VPS13A: variants seen among roughly 807,000 people sequenced by gnomAD.
VPS13A encodes intermembrane lipid transfer protein VPS13A.
In VPS13A, 264 loss-of-function variants were observed where a neutral mutation model predicts 390.9. The ratio of observed to expected loss-of-function variants is 0.68; its 90% CI spans 0.61 to 0.75. The LOEUF (loss-of-function observed/expected upper bound fraction) is 0.75. Among genes scored for constraint, VPS13A ranks in the 30% least tolerant of loss-of-function variants. The pLI is 0.00. For missense variants in VPS13A, 3,409 were observed against 3,733.9 expected (o/e 0.91, Z 2.27); for synonymous variants, 1,231 against 1,227.1 (o/e 1.00, Z -0.07).
At chr9:77,305,393 T>C (rs760818839) in intron 34 of VPS13A, among the ~76,000 whole-genome samples, 4 of 152,208 alleles carry the variant, frequency 2.6e-5, no homozygotes, top group Non-Finnish European at 5.9e-5. Context: ...TCTATTTATA[T>C]TGGTAAGATA....
chr9:77,276,332 CAG>C, intron 26 of VPS13A, 111 bp downstream of exon 26: 3 of 1,009,188 alleles, frequency 3.0e-6, no homozygotes, highest in Admixed American at 6.1e-5. Context: ...GAAATATTCT[CAG>C]AGAACCATTC....
chr9:77,363,553 A>C (rs1832271552), intron 59 of VPS13A, among the ~76,000 whole-genome samples: 1 of 152,046 alleles, frequency 6.6e-6, no homozygotes, highest in Non-Finnish European at 1.5e-5. Flanking sequence ...CTGGGATTAC[A>C]GGCGTGTGCC....
In VPS13A at chr9:77,228,169, T is replaced by C; in HGVS notation, c.1500T>C (p.Val500=). 6.2e-7 allele frequency: 1 copy of C among 1,604,508 alleles called. No homozygotes were observed. Among genetic ancestry groups the C allele is most frequent in the South Asian group, 1.1e-5 (1 of 89,722 alleles). The part of the protein sequence containing the change: ...FFVHLKSMSI[V]LRENHQKPEL... Reference sequence around the variant, plus strand: ...TCCACTTGAAAAGTATGTCTATTGTTCTAAGAGAAAATCATCAAAAACCTG... The same window carrying C: ...TCCACTTGAAAAGTATGTCTATTGTCCTAAGAGAAAATCATCAAAAACCTG... Residue 500 remains valine, a synonymous_variant, in exon 17 of 72, where the codon GTT becomes GTC. Coordinates refer to ENST00000360280, the MANE Select transcript of VPS13A (RefSeq NM_033305.3).
At chr9:77,350,632 AG>A (rs1831402388) in intron 52 of VPS13A, among the ~76,000 whole-genome samples, 1 of 152,114 alleles carries the variant, frequency 6.6e-6, no homozygotes, top group African/African-American at 2.4e-5. Context: ...GAACTGTGAG[AG>A]TAACATTTTT....
intron 45 of VPS13A, among the ~76,000 whole-genome samples, chr9:77,331,337 GTGTA>G (rs1830264799): frequency 6.6e-6 from 1 of 152,010 alleles, no homozygotes; most frequent in Non-Finnish European, 1.5e-5. Flanking sequence ...TCTACCAGTA[GTGTA>G]TGTGAGTTCC....
At chr9:77,276,254 T>G in intron 26 of VPS13A, 33 bp downstream of exon 26, 3 of 1,517,372 alleles carry the variant, frequency 2.0e-6, no homozygotes, top group Non-Finnish European at 2.7e-6. Context: ...ATAAATAAAT[T>G]AATTTCATTG....
intron 60 of VPS13A, 112 bp downstream of exon 60, chr9:77,365,685 CT>C (rs1292271468): frequency 4.5e-6 from 3 of 671,102 alleles, no homozygotes; most frequent in Non-Finnish European, 7.6e-6. Flanking sequence ...TACAATTAAA[CT>C]AAGTAACAAA....
intron 19 of VPS13A, among the ~76,000 whole-genome samples, chr9:77,242,984 A>G (rs1283017213): frequency 2.0e-5 from 3 of 152,148 alleles, no homozygotes; most frequent in African/African-American, 7.2e-5. Flanking sequence ...AGCTTCTATG[A>G]TAGGTTTTTG....
At chr9:77,382,252 T>G in intron 68 of VPS13A, 165 bp downstream of exon 68, 1 of 1,471,150 alleles carries the variant, frequency 6.8e-7, no homozygotes, top group Non-Finnish European at 9.0e-7. Context: ...ATTTATTTAC[T>G]ATAAGATTTT....
intron 26 of VPS13A, 190 bp from the exon 27 acceptor site, chr9:77,279,969 T>C (rs1169110688): frequency 2.2e-6 from 1 of 454,406 alleles, no homozygotes; most frequent in African/African-American, 2.0e-5. Flanking sequence ...GGTAAGGGAA[T>C]TGTGAGGAGA....
chr9:77,266,365 C>G (rs7021979), intron 23 of VPS13A, among the ~76,000 whole-genome samples: 32,461 of 152,086 alleles, frequency 0.21, 3,728 homozygotes, highest in African/African-American at 0.28. Flanking sequence ...TTTCTGTCTT[C>G]TTGATCTGTC....
intron 35 of VPS13A, among the ~76,000 whole-genome samples, chr9:77,312,530 C>T (rs796145696): frequency 2.0e-5 from 3 of 151,984 alleles, no homozygotes; most frequent in African/African-American, 7.2e-5. Flanking sequence ...GGGTTCACAC[C>T]ATTCTCCTGC....
chr9:77,331,471 G>GTT (rs1191544155), intron 45 of VPS13A, among the ~76,000 whole-genome samples: 2 of 151,900 alleles, frequency 1.3e-5, no homozygotes, highest in African/African-American at 4.8e-5. Flanking sequence ...GGAATGTCAA[G>GTT]TATCTTTTCA....
At chr9:77,237,123 C>T (rs191227932) in intron 17 of VPS13A, among the ~76,000 whole-genome samples, 57 of 152,118 alleles carry the variant, frequency 3.7e-4, no homozygotes, top group African/African-American at 1.3e-3. Context: ...CTCTTGACCT[C>T]GTGATCCGCC....
intron 67 of VPS13A, among the ~76,000 whole-genome samples, chr9:77,379,564 G>A (rs1833318154): frequency 6.6e-6 from 1 of 151,722 alleles, no homozygotes; most frequent in Non-Finnish European, 1.5e-5. Context: ...AGTAGAGATG[G>A]GGTTTCACCA....
intron 13 of VPS13A, among the ~76,000 whole-genome samples, chr9:77,224,278 A>C (rs1447347572): frequency 6.6e-6 from 1 of 152,218 alleles, no homozygotes; most frequent in East Asian, 1.9e-4. Flanking sequence ...AGTAATTTTA[A>C]CTTTCAAGTC....
At chr9:77,320,234 G>A (rs1829662568) in intron 42 of VPS13A, among the ~76,000 whole-genome samples, 1 of 152,040 alleles carries the variant, frequency 6.6e-6, no homozygotes, top group Non-Finnish European at 1.5e-5. Flanking sequence ...GCTACAAAGT[G>A]GAAAAGATGG....
chr9:77,199,309 G>C (rs773656030), intron 1 of VPS13A, among the ~76,000 whole-genome samples: 1 of 152,088 alleles, frequency 6.6e-6, no homozygotes, highest in Non-Finnish European at 1.5e-5. Flanking sequence ...CTGGGACTAC[G>C]GGTGCCTGCC....
chr9:77,324,363 C>T (rs1829896437), intron 45 of VPS13A, among the ~76,000 whole-genome samples: 1 of 152,122 alleles, frequency 6.6e-6, no homozygotes, highest in African/African-American at 2.4e-5. Flanking sequence ...CATTCTTTCA[C>T]CTTTAAACAT....
Sources: allele counts gnomAD v4.1 joint callset (sites outside exome capture counted in the v4.1 genomes callset), GRCh38; gene constraint gnomAD v4.1.1; transcripts MANE v1.5; gene names NCBI Gene and HGNC (gene_info 2026-07-23, HGNC 2026-07-21).